ATP5PD: variants seen among roughly 807,000 people sequenced by gnomAD.
The protein encoded by ATP5PD is ATP synthase peripheral stalk subunit d, mitochondrial.
In ATP5PD, 13 loss-of-function variants were observed where a neutral mutation model predicts 22.6. That is an observed-to-expected ratio of 0.58 (90% CI 0.37 to 0.91). ATP5PD has a LOEUF of 0.91. Among genes scored for constraint, ATP5PD ranks in the 40% least tolerant of loss-of-function variants. The pLI, the probability that ATP5PD is intolerant of heterozygous loss-of-function variation, is 0.00. For synonymous variants in ATP5PD, 51 were observed against 65.0 expected (o/e 0.79, Z 1.03); for missense variants, 165 against 188.0 (o/e 0.88, Z 0.72).
At chr17:75,045,375 C>G (rs12950646) in intron 1 of ATP5PD, among the ~76,000 whole-genome samples, 51,564 of 152,164 alleles carry the variant, frequency 0.34, 13,292 homozygotes, top group African/African-American at 0.71. Flanking sequence ...ACAGGGTTTT[C>G]AGATCAACCG....
Position 75,039,583 on chromosome 17 carries a change from G to T in ATP5PD, c.292-312C>A. 1.2e-5 allele frequency: 4 copies of T among 346,442 alleles called. No individual in the cohort carries two copies. In the South Asian group the frequency reaches 1.7e-4, roughly 15 times the overall value. 21.5% of individuals were successfully genotyped at this position (346,442 alleles called of 1,614,324 possible). On this transcript the variant is annotated intron_variant, in intron 4 of 5. Transcript: ENST00000301587. ...TGAATGGTCAGGACACGCCACCTGAGCACCTAGCCAGACTTCTCTCTGGTG... is the reference window on the plus strand; with the variant it reads ...TGAATGGTCAGGACACGCCACCTGATCACCTAGCCAGACTTCTCTCTGGTG...
At chr17:75,040,295 T>C (rs946810608) in intron 3 of ATP5PD, 132 bp from the exon 4 acceptor site, 13 of 1,033,874 alleles carry the variant, frequency 1.3e-5, no homozygotes, top group Middle Eastern at 6.2e-4. Flanking sequence ...CTGAAAGACA[T>C]TCTGTGTCCC....
At chr17:75,040,025 T>G (rs2073142676) in intron 4 of ATP5PD, 67 bp downstream of exon 4, 1 of 1,536,742 alleles carries the variant, frequency 6.5e-7, no homozygotes, top group African/African-American at 1.4e-5. Context: ...CTAACTTAAC[T>G]TAGCTATAAT....
intron 4 of ATP5PD, chr17:75,039,677 G>C (rs140757605): frequency 4.1e-5 from 11 of 268,196 alleles, no homozygotes; most frequent in African/African-American, 2.4e-4. Context: ...AATACTACTT[G>C]GGTAATTTTT....
chr17:75,045,563 T>G (rs905941081), intron 1 of ATP5PD, among the ~76,000 whole-genome samples: 3 of 152,250 alleles, frequency 2.0e-5, no homozygotes, highest in African/African-American at 7.2e-5. Flanking sequence ...GGATATCCCA[T>G]GCTGAGAAAA....
At chr17:75,046,574 G>A (rs1014256677) in intron 1 of ATP5PD, among the ~76,000 whole-genome samples, 3 of 152,232 alleles carry the variant, frequency 2.0e-5, no homozygotes, top group Admixed American at 6.5e-5. Context: ...AGCCAGCTGA[G>A]CGTCCCTCGG....
chr17:75,045,516 C>T (rs987312426), intron 1 of ATP5PD, among the ~76,000 whole-genome samples: 8 of 152,242 alleles, frequency 5.3e-5, no homozygotes, highest in African/African-American at 1.9e-4. Flanking sequence ...GGGGCCAGTT[C>T]AGAGACCTAC....
At chr17:75,045,506 G>C (rs974465286) in intron 1 of ATP5PD, among the ~76,000 whole-genome samples, 1 of 152,162 alleles carries the variant, frequency 6.6e-6, no homozygotes, top group African/African-American at 2.4e-5. Context: ...ACGCCCCAGG[G>C]GGGCCAGTTC....
At chr17:75,046,491 G>A (rs1472883267) in intron 1 of ATP5PD, among the ~76,000 whole-genome samples, 2 of 152,210 alleles carry the variant, frequency 1.3e-5, no homozygotes, top group Non-Finnish European at 2.9e-5. Flanking sequence ...ACCGAACTCT[G>A]CACCCGAGGA....
chr17:75,041,175 A>C (rs2073155779), intron 3 of ATP5PD: 1 of 152,120 alleles, frequency 6.6e-6, no homozygotes, highest in Non-Finnish European at 1.5e-5. Flanking sequence ...TCTGGGCAAC[A>C]TGGCGAAACC....
chr17:75,040,483 C>T, intron 3 of ATP5PD: 1 of 350,392 alleles, frequency 2.9e-6, no homozygotes, highest in Non-Finnish European at 5.3e-6. Flanking sequence ...CAAAAAATGG[C>T]CTCTTAGCAC....
At chr17:75,043,545 G>A (rs544513066) in intron 1 of ATP5PD, among the ~76,000 whole-genome samples, 2 of 151,250 alleles carry the variant, frequency 1.3e-5, no homozygotes, top group South Asian at 2.1e-4. Flanking sequence ...CCTGGGCGGC[G>A]GAGGTTGCAG....
intron 3 of ATP5PD, chr17:75,041,921 C>G (rs1189047429): frequency 2.9e-6 from 1 of 341,506 alleles, no homozygotes; most frequent in Middle Eastern, 7.8e-4. Flanking sequence ...AGGTCAGAAA[C>G]AGAGCAGGTC....
chr17:75,042,289 G>A lies in ATP5PD; in HGVS notation c.123-12C>T, dbSNP rs375365983. 1 of 1,613,016 alleles carries A rather than the reference G, an allele frequency of 6.2e-7. No individual in the cohort carries two copies. The highest frequency in any genetic ancestry group is 8.5e-7 in the Non-Finnish European group (1 of 1,179,530). On this transcript the variant is annotated splice_polypyrimidine_tract_variant and intron_variant, in intron 2 of 5. Transcript: ENST00000301587. ...GTAAAGCAGCCAACCTGCCCACAAG[G>A]AAAGGCAAAAGTTAGGATTGTTCAT...
At chr17:75,039,162 G>C in intron 5 of ATP5PD, 47 bp downstream of exon 5, 1 of 1,612,360 alleles carries the variant, frequency 6.2e-7, no homozygotes, top group Non-Finnish European at 8.5e-7. Context: ...GTGTGGTCAT[G>C]AAAGAGAGAA....
intron 1 of ATP5PD, among the ~76,000 whole-genome samples, chr17:75,043,724 C>T (rs1197625459): frequency 6.6e-6 from 1 of 152,074 alleles, no homozygotes; most frequent in Non-Finnish European, 1.5e-5. Context: ...ACATTTCCAC[C>T]CAGATTGTGT....
At position 75,042,635 on chromosome 17, in the gene ATP5PD, G is replaced by A; in HGVS notation, c.16C>T (p.Leu6Phe). Residue 6 changes from leucine (L) to phenylalanine (F), a missense_variant, in exon 2 of 6, where the codon CTT becomes TTT. Leu to Phe is a conservative substitution (Grantham distance 22). Coordinates refer to ENST00000301587, the MANE Select transcript of ATP5PD (RefSeq NM_006356.3). The part of the protein sequence containing the change: MAGRK[L>F]ALKTIDWVAF... Reference sequence around the variant, plus strand: ...ACCCAGTCAATGGTTTTTAGAGCAAGTTTTCGCCCAGCCATTTTGGGATCC... The same window carrying A: ...ACCCAGTCAATGGTTTTTAGAGCAAATTTTCGCCCAGCCATTTTGGGATCC... 1 of 1,607,758 alleles carries A rather than the reference G, an allele frequency of 6.2e-7. No homozygotes were observed. Among genetic ancestry groups the A allele is most frequent in the Non-Finnish European group, 8.5e-7 (1 of 1,178,334 alleles).
intron 1 of ATP5PD, among the ~76,000 whole-genome samples, chr17:75,044,149 G>A (rs866317219): frequency 8.1e-5 from 12 of 147,844 alleles, no homozygotes; most frequent in African/African-American, 2.0e-4. Context: ...CTCAGCCTCC[G>A]GAGTAGCTGG....
In ATP5PD at chr17:75,039,037, T is replaced by C. The variant is rs1278323523; in HGVS notation, c.381A>G (p.Pro127=). Residue 127 remains proline (P), a synonymous_variant, in exon 6 of 6, where the codon CCA becomes CCG. Transcript: ENST00000301587. ...AGTCCTCAATGGTCATCTGATCAAA[T>C]GGAATTAAGTTCTTCATCTTCTCCA... is the stretch of plus-strand genomic sequence containing the variant. ...KEMEKMKNLI[P]FDQMTIEDLN... 5 of 1,614,092 alleles carry C rather than the reference T, an allele frequency of 3.1e-6. No individual in the cohort carries two copies. The highest frequency in any genetic ancestry group is 1.7e-5 in the Admixed American group (1 of 59,986).
Sources: gnomAD v4.1 joint callset for allele counts (sites outside exome capture counted in the v4.1 genomes callset) on GRCh38, gnomAD v4.1.1 for gene constraint, MANE v1.5 for transcripts, NCBI Gene and HGNC (gene_info 2026-07-23, HGNC 2026-07-21) for gene names.